LRP1B: variants seen among roughly 807,000 people sequenced by gnomAD.
The protein encoded by LRP1B is low-density lipoprotein receptor-related protein 1B.
LRP1B carries 217 observed loss-of-function variants against 556.6 expected under a neutral mutation model. That is an observed-to-expected ratio of 0.39 (90% CI 0.35 to 0.44). The LOEUF is 0.44. Ranked by LOEUF, LRP1B falls within the 20% of genes least tolerant of loss-of-function variation. The probability of loss-of-function intolerance (pLI) is 1.00; values close to 1 mark genes in which losing one functional copy is unlikely to be tolerated. For synonymous variants in LRP1B, 2,047 were observed against 1,865.8 expected, an observed-to-expected ratio of 1.10 and a Z score of -2.50; for missense variants, 5,053 against 5,620.8, an observed-to-expected ratio of 0.90 and a Z score of 3.23.
At chr2:140,961,480 G>T (rs953516732) in intron 18 of LRP1B, among the ~76,000 whole-genome samples, 11 of 152,008 alleles carry the variant, frequency 7.2e-5, no homozygotes, top group African/African-American at 2.2e-4. Context: ...ACAAATGATT[G>T]ACATATATTC....
intron 1 of LRP1B, among the ~76,000 whole-genome samples, chr2:142,129,721 A>AC (rs1707782402): frequency 6.6e-6 from 1 of 151,652 alleles, no homozygotes; most frequent in Non-Finnish European, 1.5e-5. Context: ...TTTTACTTTA[A>AC]CCAGTTAACC....
At chr2:140,557,683 G>A (rs1289928837) in intron 43 of LRP1B, among the ~76,000 whole-genome samples, 1 of 152,050 alleles carries the variant, frequency 6.6e-6, no homozygotes, top group East Asian at 1.9e-4. Context: ...TCTTTGTATT[G>A]GCTGTTCTCT....
intron 1 of LRP1B, among the ~76,000 whole-genome samples, chr2:141,830,603 T>C (rs1410534452): frequency 6.6e-6 from 1 of 151,788 alleles, no homozygotes; most frequent in Non-Finnish European, 1.5e-5. Flanking sequence ...CTCCTACCAG[T>C]GCCTGAAATA....
At chr2:141,317,744 A>G (rs1687086175) in intron 3 of LRP1B, among the ~76,000 whole-genome samples, 1 of 152,188 alleles carries the variant, frequency 6.6e-6, no homozygotes, top group Non-Finnish European at 1.5e-5. Context: ...ACTTAAATCC[A>G]TCTCTGTAAA....
chr2:141,180,470 C>G (rs1277720114), intron 7 of LRP1B, among the ~76,000 whole-genome samples: 1 of 151,902 alleles, frequency 6.6e-6, no homozygotes, highest in Non-Finnish European at 1.5e-5. Context: ...AGAAAGCTTT[C>G]AAGGTCACTT....
At chr2:141,464,606 A>ATATATATATTTTTT in intron 3 of LRP1B, among the ~76,000 whole-genome samples, 4 of 90,562 alleles carry the variant, frequency 4.4e-5, no homozygotes, top group African/African-American at 8.6e-5. Context: ...ATATATATAT[A>ATATATATATTTTTT]TTTTTTTAGT....
rs182410720 is a variant in LRP1B at position 140,633,229 on chromosome 2, G to A, written c.6800-31590C>T. ...AACAACACACAACTAAGTAACACGA[G>A]TCAAAGGAGAAGACTCAAGAGTAGC... is the stretch of plus-strand genomic sequence containing the variant. On this transcript the variant is annotated intron_variant, in intron 41 of 90. Coordinates refer to ENST00000389484, the MANE Select transcript of LRP1B (RefSeq NM_018557.3). 3.0e-4 allele frequency among the ~76,000 whole-genome samples: 46 copies of A among 152,144 alleles called. 2 individuals carry two copies. The East Asian group carries it at 6.8e-3, about 22-fold the overall frequency.
rs2105348205 is a variant in LRP1B, at chr2:140,475,315, A to G, written c.9448T>C (p.Cys3150Arg). The G allele has an allele frequency of 1.2e-6, 2 of 1,606,226 alleles. No individual in the cohort carries two copies. The highest frequency in any genetic ancestry group is 1.7e-6 in the Non-Finnish European group (2 of 1,175,348). Residue 3150 changes from cysteine to arginine, a missense_variant, in exon 60 of 91, where the codon TGC becomes CGC. By Grantham distance (180) the Cys-to-Arg change is radical. This residue lies in a region of LRP1B where 3,619 missense variants were observed against 3,931.9 expected (regional missense o/e 0.92). Transcript: ENST00000389484. The part of the protein sequence containing the change: ...QAGYLYWIDC[C>R]EYPHIGRVGM... ...ACACGGCCAATATGAGGATACTCGC[A>G]GCAGTCAATCCAATACAAATATCTA...
At chr2:141,067,860 G>A (rs1266309742) in intron 7 of LRP1B, among the ~76,000 whole-genome samples, 1 of 151,802 alleles carries the variant, frequency 6.6e-6, no homozygotes, top group East Asian at 2.0e-4. Flanking sequence ...AGCATGGGAG[G>A]GTGTGAGAGA....
chr2:141,754,312 T>G (rs1694244687), intron 2 of LRP1B, among the ~76,000 whole-genome samples: 1 of 152,162 alleles, frequency 6.6e-6, no homozygotes, highest in Admixed American at 6.5e-5. Flanking sequence ...AAGGCACTAT[T>G]ATTTTTCCAG....
chr2:141,868,185 A>G (rs1348031793), intron 1 of LRP1B, among the ~76,000 whole-genome samples: 1 of 152,120 alleles, frequency 6.6e-6, no homozygotes, highest in Non-Finnish European at 1.5e-5. Flanking sequence ...AACTACCGCA[A>G]AAGTGTTGCT....
intron 10 of LRP1B, among the ~76,000 whole-genome samples, chr2:141,050,077 G>T (rs1332116261): frequency 6.6e-6 from 1 of 151,546 alleles, no homozygotes. Flanking sequence ...TATATACAAG[G>T]AAAAACATAC....
At chr2:140,873,228 G>C (rs1693196421) in intron 25 of LRP1B, among the ~76,000 whole-genome samples, 1 of 151,946 alleles carries the variant, frequency 6.6e-6, no homozygotes, top group Non-Finnish European at 1.5e-5. Flanking sequence ...TTTGCCATAG[G>C]GGTTACAAAA....
At chr2:140,750,079 T>TACAC (rs59747381) in intron 35 of LRP1B, among the ~76,000 whole-genome samples, 1 of 150,720 alleles carries the variant, frequency 6.6e-6, no homozygotes, top group African/African-American at 2.4e-5. Context: ...TGTGCACACG[T>TACAC]ACACACACAC....
chr2:141,485,015 G>A (rs969200136), intron 2 of LRP1B, among the ~76,000 whole-genome samples: 2 of 152,098 alleles, frequency 1.3e-5, no homozygotes, highest in African/African-American at 4.8e-5. Context: ...CCATCTGGTG[G>A]CCAGAAGAGA....
chr2:140,970,276 T>A (rs1696372353), intron 18 of LRP1B, among the ~76,000 whole-genome samples: 1 of 152,218 alleles, frequency 6.6e-6, no homozygotes, highest in South Asian at 2.1e-4. Flanking sequence ...ATTGATTTGA[T>A]CTTCAATCAC....
intron 6 of LRP1B, among the ~76,000 whole-genome samples, chr2:141,198,483 A>G (rs567578006): frequency 6.6e-6 from 1 of 152,262 alleles, no homozygotes; most frequent in Admixed American, 6.5e-5. Context: ...AAAGCTCTAC[A>G]TAGAACCTGT....
At chr2:141,943,705 C>G (rs1700880339) in intron 1 of LRP1B, among the ~76,000 whole-genome samples, 1 of 151,658 alleles carries the variant, frequency 6.6e-6, no homozygotes, top group Admixed American at 6.6e-5. Context: ...ACTATAAGCA[C>G]AGGTGCAATT....
intron 1 of LRP1B, among the ~76,000 whole-genome samples, chr2:141,941,480 G>A (rs897040509): frequency 6.6e-6 from 1 of 152,168 alleles, no homozygotes; most frequent in Non-Finnish European, 1.5e-5. Flanking sequence ...TTGAGCCATA[G>A]GTCTTTCACC....
Sources: gnomAD v4.1 joint callset for allele counts (sites outside exome capture counted in the v4.1 genomes callset) on GRCh38, gnomAD v4.1.1 for gene constraint, gnomAD v4.1.1 regional missense constraint, MANE v1.5 for transcripts, NCBI Gene and HGNC (gene_info 2026-07-23, HGNC 2026-07-21) for gene names.